Variants in CC2D1B observed in about 807,000 individuals in gnomAD.
CC2D1B encodes coiled-coil and C2 domain-containing protein 1B.
Under a neutral mutation model 110.8 loss-of-function variants are expected in CC2D1B, and 92 were observed. The observed-to-expected ratio is 0.83, with a 90% CI of 0.70 to 0.99. CC2D1B has a LOEUF of 0.99. CC2D1B is among the 50% of genes least tolerant of loss of function. The pLI is 0.00. For missense variants in CC2D1B, 1,136 were observed against 1,089.0 expected (o/e 1.04, Z -0.61); for synonymous variants, 406 against 429.2 (o/e 0.95, Z 0.67).
At chr1:52,364,746 C>G in intron 1 of CC2D1B, 112 bp from the exon 2 acceptor site, 3 of 579,304 alleles carry the variant, frequency 5.2e-6, no homozygotes, top group Non-Finnish European at 6.1e-6. Flanking sequence ...CAATGCTGAA[C>G]ACCAAAGTAT....
At position 52,361,583 on chromosome 1, in the gene CC2D1B, G is replaced by A. The variant is rs779459504; in HGVS notation, c.248C>T (p.Ala83Val). ...PLPMAHIEKLAADCMRDVEEE... is the reference protein window; with the variant it reads ...PLPMAHIEKLVADCMRDVEEE... ...CTCCACATCCCGCATACAGTCTGCC[G>A]CCAACTTCTCGATGTGGGCCATGGG... The change falls in exon 4 of 25, where the codon GCG (alanine) becomes GTG (valine). Residue 83 changes from alanine (A) to valine (V), a missense_variant. Transcript: ENST00000284376. The A allele has an allele frequency of 2.9e-5, 47 of 1,613,610 alleles. No homozygotes were observed. Among genetic ancestry groups the A allele is most frequent in the Admixed American group, 3.3e-5 (2 of 59,980 alleles).
Position 52,355,811 on chromosome 1 carries a change from A to G in CC2D1B, c.2088T>C (p.His696=). 7.4e-6 allele frequency: 12 copies of G among 1,614,106 alleles called. No individual in the cohort carries two copies. The highest frequency in any genetic ancestry group is 1.0e-5 in the Non-Finnish European group (12 of 1,180,012). ...IFSELNSTEM[H]LIIVRGMNLP... Reference sequence around the variant, plus strand: ...GGTTCATTCCCCGGACAATGATCAGATGCATTTCTGTGCTGTTGAGTTCTG... The same window carrying G: ...GGTTCATTCCCCGGACAATGATCAGGTGCATTTCTGTGCTGTTGAGTTCTG... Residue 696 remains histidine, a synonymous_variant, in exon 19 of 25, where the codon CAT becomes CAC. Transcript: ENST00000284376.
At chr1:52,354,515 T>C (rs1569825246) in intron 23 of CC2D1B, 93 bp downstream of exon 23, 1 of 1,025,028 alleles carries the variant, frequency 9.8e-7, no homozygotes, top group Non-Finnish European at 1.6e-6. Context: ...AATTAAGTAA[T>C]GAGCACGAAA....
chr1:52,362,713 T>C lies in CC2D1B; in HGVS notation c.103A>G (p.Met35Val). Residue 35 changes from methionine (M) to valine (V), a missense_variant, in exon 3 of 25, where the codon ATG (methionine) becomes GTG (valine). Physicochemically the swap from Met to Val is conservative, Grantham distance 21. Transcript: ENST00000284376. ...GLFMEFGPED[M>V]LLGMDEAEDD... ...TCAGCCTCATCCATGCCCAGCAGCA[T>C]GTCCTCAGGGCCAAACTCCATAAAG... 1.2e-6 allele frequency: 2 copies of C among 1,614,076 alleles called. No homozygotes were observed.
chr1:52,359,674 G>A, intron 8 of CC2D1B, 31 bp downstream of exon 8: 11 of 1,563,434 alleles, frequency 7.0e-6, no homozygotes, highest in South Asian at 1.2e-5. Flanking sequence ...TCTATAAAAT[G>A]AGGGTGGGTG....
At chr1:52,360,717 T>A (rs948050823) in intron 5 of CC2D1B, 168 bp from the exon 6 acceptor site, 1 of 1,087,558 alleles carries the variant, frequency 9.2e-7, no homozygotes, top group Non-Finnish European at 1.3e-6. Flanking sequence ...CCAGAGGCCA[T>A]GGCAGAGGCA....
chr1:52,353,457 TGAGTA>T lies in CC2D1B; in HGVS notation c.*1+56_*1+60del, dbSNP rs1646569991. The T allele has an allele frequency of 6.4e-6, 10 of 1,555,646 alleles. No homozygotes were observed. The South Asian group carries it at 9.9e-5, about 15-fold the overall frequency. ...CTAGGTTTTCTCTCCAGATATGAGT[TGAGTA>T]GTTAGTTGAGTAAAAGGAGGGGGCA... On this transcript the variant is annotated intron_variant, in intron 24 of 24. Coordinates refer to ENST00000284376, the MANE Select transcript of CC2D1B (RefSeq NM_001330585.2).
intron 16 of CC2D1B, 22 bp downstream of exon 16, chr1:52,356,979 A>T (rs970199027): frequency 1.3e-6 from 2 of 1,547,822 alleles, no homozygotes; most frequent in South Asian, 1.2e-5. Flanking sequence ...AGAGGGGAGG[A>T]ACAGACGAGG....
chr1:52,362,870 C>T (rs555652785), intron 2 of CC2D1B, 124 bp from the exon 3 acceptor site: 2 of 926,594 alleles, frequency 2.2e-6, no homozygotes, highest in South Asian at 3.3e-5. Flanking sequence ...GCCCAATGTG[C>T]AGAAAGAAAC....
intron 10 of CC2D1B, 23 bp from the exon 11 acceptor site, chr1:52,359,180 T>G: frequency 1.9e-6 from 3 of 1,609,468 alleles, no homozygotes; most frequent in Non-Finnish European, 1.7e-6. Flanking sequence ...AAGGAAGAAG[T>G]GGGCATCAGG....
chr1:52,351,230 A>G lies in CC2D1B; in HGVS notation c.*1995T>C, dbSNP rs1015582202. 3.3e-5 allele frequency: 5 copies of G among 152,260 alleles called. No homozygotes were observed. The highest frequency in any genetic ancestry group is 1.2e-4 in the African/African-American group (5 of 41,466). The allele number at this position is 152,260 out of a possible 1,614,324, so 9.4% of individuals were successfully genotyped here. A position where few individuals can be genotyped will look rare whatever the true frequency, so the allele number is the denominator to read the frequency against. ...AGGTTCTGTTTTGAAAGAGCAAAGC[A>G]GCAGACTGAAATTGAATGGGTTGCA... On this transcript the variant is annotated 3_prime_UTR_variant, in exon 25 of 25. Transcript: ENST00000284376.
intron 5 of CC2D1B, 48 bp downstream of exon 5, chr1:52,360,926 G>A: frequency 6.2e-7 from 1 of 1,607,488 alleles, no homozygotes; most frequent in Non-Finnish European, 8.5e-7. Flanking sequence ...TGTTACGTCT[G>A]GGCGCACAGG....
chr1:52,356,446 A>AAAAT lies in CC2D1B; in HGVS notation c.1879-8_1879-5dup. 1 of 1,614,138 alleles carries AAAAT rather than the reference A, an allele frequency of 6.2e-7. No individual in the cohort carries two copies. Among genetic ancestry groups the AAAAT allele is most frequent in the Non-Finnish European group, 8.5e-7 (1 of 1,180,018 alleles). ...GCTTGGAGAACAGCAGGCACTTCTG[A>AAAAT]AAATAGAGGCCCAGAGTGACTCCCG... On this transcript the variant is annotated splice_polypyrimidine_tract_variant and splice_region_variant and intron_variant, in intron 16 of 24. Coordinates refer to ENST00000284376, the MANE Select transcript of CC2D1B (RefSeq NM_001330585.2).
At chr1:52,360,315 C>T (rs1483231523) in intron 6 of CC2D1B, 82 bp from the exon 7 acceptor site, 9 of 1,596,256 alleles carry the variant, frequency 5.6e-6, no homozygotes, top group East Asian at 2.2e-5. Flanking sequence ...GGTGGCCCCC[C>T]AACCCCCAAA....
intron 13 of CC2D1B, 97 bp downstream of exon 13, chr1:52,358,234 T>A (rs1646696795): frequency 1.3e-6 from 2 of 1,486,166 alleles, no homozygotes; most frequent in African/African-American, 1.4e-5. Flanking sequence ...AAAGAATATG[T>A]ACCTTATTGG....
intron 1 of CC2D1B, 66 bp from the exon 2 acceptor site, chr1:52,364,700 C>A: frequency 3.7e-6 from 4 of 1,074,308 alleles, no homozygotes; most frequent in Non-Finnish European, 4.2e-6. Context: ...CAGTGCTACC[C>A]GTGGTAAGGT....
Position 52,357,859 on chromosome 1 carries a change from CA to C in CC2D1B, c.1500del (p.Ala501HisfsTer63). 1 of 1,585,600 alleles carries C rather than the reference CA, an allele frequency of 6.3e-7. No individual in the cohort carries two copies. Among genetic ancestry groups the C allele is most frequent in the Non-Finnish European group, 8.6e-7 (1 of 1,168,052 alleles). Reference sequence around the variant, plus strand: ...TGGGATGAAGGGACTGTGGGCCGTGCAGGTTTCTTGGCCACTGGGGCCTGTG... The same window carrying C: ...TGGGATGAAGGGACTGTGGGCCGTGCGGTTTCTTGGCCACTGGGGCCTGTG... ...PPAQAPVAKK[P>X]ARPTVPSSQR... On this transcript the variant is annotated frameshift_variant, in exon 14 of 25. Transcript: ENST00000284376. LOFTEE classifies it high-confidence loss of function.
rs370558110 is a variant in CC2D1B at position 52,358,429 on chromosome 1, T to G, written c.1363A>C (p.Met455Leu). Residue 455 changes from methionine (M) to leucine (L), a missense_variant, in exon 13 of 25, where the codon ATG becomes CTG. Coordinates refer to ENST00000284376, the MANE Select transcript of CC2D1B (RefSeq NM_001330585.2). ...FPPIPGLEST[M>L]GVEEDAVAAT... The stretch of plus-strand genomic sequence containing the variant: ...GCCACTGCGTCCTCCTCAACACCCA[T>G]AGTGGACTCCAGGCCAGGGATGGGG... 6.2e-7 allele frequency: 1 copy of G among 1,613,770 alleles called. No individual in the cohort carries two copies. The highest frequency in any genetic ancestry group is 1.1e-5 in the South Asian group (1 of 91,058).
intron 1 of CC2D1B, among the ~76,000 whole-genome samples, chr1:52,364,851 C>T (rs1219382160): frequency 6.6e-6 from 1 of 152,122 alleles, no homozygotes; most frequent in Non-Finnish European, 1.5e-5. Context: ...TCTGAACGGA[C>T]TCAAATTTAA....
Sources: allele counts gnomAD v4.1 joint callset (sites outside exome capture counted in the v4.1 genomes callset), GRCh38; gene constraint gnomAD v4.1.1; transcripts MANE v1.5; gene names NCBI Gene and HGNC (gene_info 2026-07-23, HGNC 2026-07-21).